ANKRD52: variants seen among roughly 807,000 people sequenced by gnomAD.
The protein encoded by ANKRD52 is serine/threonine-protein phosphatase 6 regulatory ankyrin repeat subunit C.
A neutral mutation model predicts 116.0 loss-of-function variants in ANKRD52; 7 were observed. The observed-to-expected ratio is 0.06, with a 90% CI of 0.03 to 0.11. The LOEUF (loss-of-function observed/expected upper bound fraction) is 0.11. Ranked by LOEUF, ANKRD52 falls within the 10% of genes least tolerant of loss-of-function variation. The probability of loss-of-function intolerance (pLI) is 1.00; values close to 1 mark genes in which losing one functional copy is unlikely to be tolerated. For synonymous variants in ANKRD52, 528 were observed against 578.1 expected (o/e 0.91, Z 1.24); for missense variants, 839 against 1,408.6 (o/e 0.60, Z 6.47).
At chr12:56,256,587 G>A (rs1236222252) in intron 4 of ANKRD52, among the ~76,000 whole-genome samples, 1 of 152,210 alleles carries the variant, frequency 6.6e-6, no homozygotes, top group African/African-American at 2.4e-5. Context: ...GATGGGAATA[G>A]GATAAAGGAC....
Position 56,243,798 on chromosome 12 carries a change from A to G in ANKRD52, c.2967T>C (p.Ala989=). The G allele has an allele frequency of 6.4e-7, 1 of 1,558,562 alleles. No homozygotes were observed. Among genetic ancestry groups the G allele is most frequent in the Non-Finnish European group, 8.7e-7 (1 of 1,150,862 alleles). Residue 989 remains alanine (A), a synonymous_variant, in exon 27 of 28, where the codon GCT becomes GCC. Transcript: ENST00000267116. This position sits in a 1 kb window ranked among gnomAD's most constrained non-coding sequence, Gnocchi z 4.6. Reference sequence around the variant, plus strand: ...GACCCCACCCACCTTCTTCATCCACAGCCAGCACTGTGGCCCCATGACTCA... The same window carrying G: ...GACCCCACCCACCTTCTTCATCCACGGCCAGCACTGTGGCCCCATGACTCA... ...ALLSHGATVL[A]VDEEGHTPAL... is the part of the protein sequence containing the mutation.
rs370596084 is a variant in ANKRD52, at chr12:56,255,798, T to G, written c.448A>C (p.Ser150Arg). ...ACAGTCCTCACCTCAAGATGCCCAC[T>G]ATGCACTGCATGGTGCAGAGCACTG... is the stretch of plus-strand genomic sequence containing the variant. ...GRSALHHAVH[S>R]GHLETVNLLL... Residue 150 changes from serine (S) to arginine (R), a missense_variant, in exon 5 of 28, where the codon AGT becomes CGT. This residue lies in a region of ANKRD52 where 287 missense variants were observed against 598.1 expected (regional missense o/e 0.48). Coordinates refer to ENST00000267116, the MANE Select transcript of ANKRD52 (RefSeq NM_173595.4). This position sits in a 1 kb window ranked among gnomAD's most constrained non-coding sequence, Gnocchi z 4.3. The G allele has an allele frequency of 6.3e-6, 10 of 1,578,616 alleles. No individual in the cohort carries two copies. The African/African-American group carries it at 1.3e-4, about 21-fold the overall frequency.
In ANKRD52 at chr12:56,254,005, A is replaced by C. The variant is rs898264154; in HGVS notation, c.906+62T>G. On this transcript the variant is annotated intron_variant, in intron 8 of 27. Coordinates refer to ENST00000267116, the MANE Select transcript of ANKRD52 (RefSeq NM_173595.4). The surrounding 1 kb of genome is among the most constrained non-coding windows in gnomAD (Gnocchi z 4.6). ...TTCCCCAAGAGAGCTATCCAGATAC[A>C]GTCAGGACCCCTAGATCCAAGTTTC... 1.3e-5 allele frequency: 19 copies of C among 1,515,984 alleles called. No homozygotes were observed. Among genetic ancestry groups the C allele is most frequent in the Non-Finnish European group, 1.7e-5 (19 of 1,098,370 alleles). 93.9% of individuals were successfully genotyped at this position (1,515,984 alleles called of 1,614,324 possible).
At position 56,240,663 on chromosome 12, in the gene ANKRD52, G is replaced by A. The variant is rs1410374276; in HGVS notation, c.*2479C>T. ...GGTCAAAATGCTTCAAAAAACACTA[G>A]GGCTGGGGAGCCCAGGGTGGGGCGT... On this transcript the variant is annotated 3_prime_UTR_variant, in exon 28 of 28. Transcript: ENST00000267116. This position sits in a 1 kb window ranked among gnomAD's most constrained non-coding sequence, Gnocchi z 4.2. The A allele has an allele frequency of 6.6e-6, 1 of 152,224 alleles. No homozygotes were observed. Among genetic ancestry groups the A allele is most frequent in the Non-Finnish European group, 1.5e-5 (1 of 68,050 alleles). 9.4% of individuals were successfully genotyped at this position (152,224 alleles called of 1,614,324 possible).
Position 56,255,708 on chromosome 12 carries a change from C to G in ANKRD52, c.462+76G>C. The G allele has an allele frequency of 7.0e-7, 1 of 1,422,556 alleles. No homozygotes were observed. Among genetic ancestry groups the G allele is most frequent in the Non-Finnish European group, 9.6e-7 (1 of 1,044,904 alleles). 88.1% of individuals were successfully genotyped at this position (1,422,556 alleles called of 1,614,324 possible). ...TGCTTCTCCTTCAGGCTTGAGGGCC[C>G]AGAAGCAGGGAAACGTGAGTAGGAA... On this transcript the variant is annotated intron_variant, in intron 5 of 27. Coordinates refer to ENST00000267116, the MANE Select transcript of ANKRD52 (RefSeq NM_173595.4). The surrounding 1 kb of genome is among the most constrained non-coding windows in gnomAD (Gnocchi z 4.3).
At position 56,255,723 on chromosome 12, in the gene ANKRD52, G is replaced by C; in HGVS notation, c.462+61C>G. The C allele has an allele frequency of 6.8e-7, 1 of 1,478,878 alleles. No homozygotes were observed. The highest frequency in any genetic ancestry group is 9.2e-7 in the Non-Finnish European group (1 of 1,090,242). 91.6% of individuals were successfully genotyped at this position (1,478,878 alleles called of 1,614,324 possible). On this transcript the variant is annotated intron_variant, in intron 5 of 27. Transcript: ENST00000267116. The surrounding 1 kb of genome is among the most constrained non-coding windows in gnomAD (Gnocchi z 4.3). The stretch of plus-strand genomic sequence containing the variant: ...CTTGAGGGCCCAGAAGCAGGGAAAC[G>C]TGAGTAGGAAGGTAAGAAAAGGGAA...
At position 56,253,855 on chromosome 12, in the gene ANKRD52, G is replaced by C. The variant is rs1871814814; in HGVS notation, c.907-55C>G. The C allele has an allele frequency of 1.3e-6, 2 of 1,559,070 alleles. No homozygotes were observed. Among genetic ancestry groups the C allele is most frequent in the Admixed American group, 3.4e-5 (2 of 59,502 alleles). Reference sequence around the variant, plus strand: ...GTTTTTTTTTCCAGTGCAAAGCACAGAGAATGCCCTACCTCCCTTCCAAGG... The same window carrying C: ...GTTTTTTTTTCCAGTGCAAAGCACACAGAATGCCCTACCTCCCTTCCAAGG... On this transcript the variant is annotated intron_variant, in intron 8 of 27. Transcript: ENST00000267116. The surrounding 1 kb of genome is among the most constrained non-coding windows in gnomAD (Gnocchi z 5.5).
At chr12:56,245,950 C>T (rs572527996) in intron 20 of ANKRD52, among the ~76,000 whole-genome samples, 5 of 151,814 alleles carry the variant, frequency 3.3e-5, no homozygotes, top group African/African-American at 9.7e-5. Context: ...CTCCTCACCT[C>T]GTGATCCGCC....
In ANKRD52 at chr12:56,244,960, A is replaced by G. The variant is rs1871328240; in HGVS notation, c.2522T>C (p.Met841Thr). The G allele has an allele frequency of 1.9e-6, 3 of 1,613,852 alleles. No homozygotes were observed. The highest frequency in any genetic ancestry group is 1.7e-6 in the Non-Finnish European group (2 of 1,179,878). Reference sequence around the variant, plus strand: ...CTTGGCACCCAGAGCTCCCAGTAGCATCTCTGTGGTGCTGTCTTGGTTATT... The same window carrying G: ...CTTGGCACCCAGAGCTCCCAGTAGCGTCTCTGTGGTGCTGTCTTGGTTATT... ...VINNQDSTTE[M>T]LLGALGAKIV... Residue 841 changes from methionine to threonine, a missense_variant, in exon 23 of 28, where the codon ATG (methionine) becomes ACG (threonine). Met to Thr is a moderately conservative substitution (Grantham distance 81). Coordinates refer to ENST00000267116, the MANE Select transcript of ANKRD52 (RefSeq NM_173595.4). This position sits in a 1 kb window ranked among gnomAD's most constrained non-coding sequence, Gnocchi z 4.9.
chr12:56,252,967 C>T lies in ANKRD52; in HGVS notation c.1183+37G>A. ...CAGGGAGGGAAAGGCCTTTGCTCTC[C>T]TATACACCTGCCAATCCCCAGCCCA... On this transcript the variant is annotated intron_variant, in intron 11 of 27. Coordinates refer to ENST00000267116, the MANE Select transcript of ANKRD52 (RefSeq NM_173595.4). This position sits in a 1 kb window ranked among gnomAD's most constrained non-coding sequence, Gnocchi z 4.7. 5 of 1,586,618 alleles carry T rather than the reference C, an allele frequency of 3.2e-6. No homozygotes were observed. Among genetic ancestry groups the T allele is most frequent in the Non-Finnish European group, 4.3e-6 (5 of 1,166,286 alleles).
rs943718528 is a variant in ANKRD52, at chr12:56,254,406, C to A, written c.694-127G>T. 7.0e-7 allele frequency: 1 copy of A among 1,420,490 alleles called. No individual in the cohort carries two copies. Among genetic ancestry groups the A allele is most frequent in the Non-Finnish European group, 9.6e-7 (1 of 1,041,914 alleles). The allele number at this position is 1,420,490 out of a possible 1,614,324, so 88.0% of individuals were successfully genotyped here. On this transcript the variant is annotated intron_variant, in intron 7 of 27. Transcript: ENST00000267116. The surrounding 1 kb of genome is among the most constrained non-coding windows in gnomAD (Gnocchi z 4.6). ...CCTCTCGGGTTTATGACCCAAGGTA[C>A]TAAGGTACTAAGGGCACTATGGCTA...
Position 56,248,301 on chromosome 12 carries a change from G to A in ANKRD52, c.1777-77C>T, listed in dbSNP as rs1871516603. Reference sequence around the variant, plus strand: ...TCCCTTCCCCTTCTCTGCTCTTGGGGTCCCTGGGAAGCTCAAGGTCTTAGT... The same window carrying A: ...TCCCTTCCCCTTCTCTGCTCTTGGGATCCCTGGGAAGCTCAAGGTCTTAGT... On this transcript the variant is annotated intron_variant, in intron 17 of 27. Transcript: ENST00000267116. This position sits in a 1 kb window ranked among gnomAD's most constrained non-coding sequence, Gnocchi z 5.1. 2 of 1,558,200 alleles carry A rather than the reference G, an allele frequency of 1.3e-6. No individual in the cohort carries two copies. The highest frequency in any genetic ancestry group is 8.8e-7 in the Non-Finnish European group (1 of 1,137,234).
In ANKRD52 at chr12:56,248,958, C is replaced by T; in HGVS notation, c.1593-88G>A. ...GGAGGGCCAGAGGAGAGGACCAAGG[C>T]CCTCCAGGCCTACCTGGCCGCCACC... On this transcript the variant is annotated intron_variant, in intron 15 of 27. Transcript: ENST00000267116. The surrounding 1 kb of genome is among the most constrained non-coding windows in gnomAD (Gnocchi z 5.1). The T allele has an allele frequency of 1.1e-6, 1 of 915,474 alleles. No homozygotes were observed. 56.7% of individuals were successfully genotyped at this position (915,474 alleles called of 1,614,324 possible).
chr12:56,258,358 C>G lies in ANKRD52; in HGVS notation c.-89G>C. The G allele has an allele frequency of 7.4e-7, 1 of 1,352,538 alleles. No individual in the cohort carries two copies. The highest frequency in any genetic ancestry group is 1.5e-5 in the African/African-American group (1 of 64,972). 83.8% of individuals were successfully genotyped at this position (1,352,538 alleles called of 1,614,324 possible). A position where few individuals can be genotyped will look rare whatever the true frequency, so the allele number is the denominator to read the frequency against. On this transcript the variant is annotated 5_prime_UTR_variant, in exon 1 of 28. Coordinates refer to ENST00000267116, the MANE Select transcript of ANKRD52 (RefSeq NM_173595.4). ...CACGGAGCGGCCCAGGCGGCGGCTG[C>G]GGTGGCGGCTGCAGGGAGAGCGCGG... is the stretch of plus-strand genomic sequence containing the variant.
chr12:56,237,993 G>T lies in ANKRD52; in HGVS notation c.*5149C>A. 3.6e-6 allele frequency: 1 copy of T among 280,676 alleles called. No individual in the cohort carries two copies. The highest frequency in any genetic ancestry group is 1.2e-4 in the South Asian group (1 of 8,654). The allele number at this position is 280,676 out of a possible 1,614,324, so 17.4% of individuals were successfully genotyped here. ...TCTGCGGGGAGAACATTGTGCTTTA[G>T]CCCAGGGAGGGGAGGGGTGGGGCAA... is the stretch of plus-strand genomic sequence containing the variant. On this transcript the variant is annotated 3_prime_UTR_variant, in exon 28 of 28. Transcript: ENST00000267116.
chr12:56,258,138 G>A, intron 1 of ANKRD52, 105 bp downstream of exon 1: 1 of 1,522,492 alleles, frequency 6.6e-7, no homozygotes, highest in East Asian at 2.5e-5. Context: ...CGGGAGCTGC[G>A]GGAGCCCCGG....
In ANKRD52 at chr12:56,243,226, G is replaced by C; in HGVS notation, c.3147C>G (p.Cys1049Trp). 1 of 1,613,694 alleles carries C rather than the reference G, an allele frequency of 6.2e-7. No homozygotes were observed. The highest frequency in any genetic ancestry group is 8.5e-7 in the Non-Finnish European group (1 of 1,179,788). Reference protein sequence around the residue: ...SIAAAKTVGGCGALPHGASCP... With the variant: ...SIAAAKTVGGWGALPHGASCP... ...AGGAGGCCCCATGGGGCAGGGCGCC[G>C]CAGCCACCCACCGTCTTGGCGGCTG... The change falls in exon 28 of 28, where the codon TGC becomes TGG. Residue 1049 changes from cysteine (C) to tryptophan (W), a missense_variant. Around this residue, in one of 2 missense-constraint regions of ANKRD52, gnomAD observed 552 missense variants for 810.6 expected, o/e 0.68. Coordinates refer to ENST00000267116, the MANE Select transcript of ANKRD52 (RefSeq NM_173595.4). The surrounding 1 kb of genome is among the most constrained non-coding windows in gnomAD (Gnocchi z 4.6).
Position 56,243,395 on chromosome 12 carries a change from G to T in ANKRD52, c.2981-3C>A. On this transcript the variant is annotated splice_region_variant and splice_polypyrimidine_tract_variant and intron_variant, in intron 27 of 27. Transcript: ENST00000267116. This position sits in a 1 kb window ranked among gnomAD's most constrained non-coding sequence, Gnocchi z 4.6. ...ACAGGCCAGTGCTGGGGTGTGACCT[G>T]CAGGGCCAAGGGGGAGAACTGAGGC... 2 of 1,613,378 alleles carry T rather than the reference G, an allele frequency of 1.2e-6. No individual in the cohort carries two copies. The highest frequency in any genetic ancestry group is 1.7e-6 in the Non-Finnish European group (2 of 1,179,606).
In ANKRD52 at chr12:56,247,881, A is replaced by G. The variant is rs1871493516; in HGVS notation, c.1979-107T>C. The G allele has an allele frequency of 3.6e-6, 5 of 1,390,894 alleles. No individual in the cohort carries two copies. The South Asian group carries it at 6.2e-5, about 17-fold the overall frequency. 86.2% of individuals were successfully genotyped at this position (1,390,894 alleles called of 1,614,324 possible). On this transcript the variant is annotated intron_variant, in intron 18 of 27. Transcript: ENST00000267116. The stretch of plus-strand genomic sequence containing the variant: ...TGTTACAGAAAGACCTGGGCCAGGG[A>G]GAAATCTCTGAGGATAGGAAGCTAT...
Sources: gnomAD v4.1 joint callset for allele counts (sites outside exome capture counted in the v4.1 genomes callset) on GRCh38, gnomAD v4.1.1 for gene constraint, gnomAD v4.1.1 regional missense constraint, Gnocchi (gnomAD v3.1) non-coding constraint, MANE v1.5 for transcripts, NCBI Gene and HGNC (gene_info 2026-07-23, HGNC 2026-07-21) for gene names.